CDH5: variants seen among roughly 807,000 people sequenced by gnomAD.
CDH5 encodes cadherin 5.
CDH5 carries 28 observed loss-of-function variants against 62.0 expected under a neutral mutation model. The ratio of observed to expected loss-of-function variants is 0.45; its 90% CI spans 0.33 to 0.62. The LOEUF (loss-of-function observed/expected upper bound fraction) is 0.62. Among genes scored for constraint, CDH5 ranks in the 20% least tolerant of loss-of-function variants. The probability of loss-of-function intolerance (pLI) is 0.02; values close to 1 mark genes in which losing one functional copy is unlikely to be tolerated. For missense variants in CDH5, 940 were observed against 1,065.1 expected (o/e 0.88, Z 1.63); for synonymous variants, 464 against 445.8 (o/e 1.04, Z -0.52).
chr16:66,400,116 G>C (rs1331421378), intron 10 of CDH5, among the ~76,000 whole-genome samples: 1 of 152,192 alleles, frequency 6.6e-6, no homozygotes, highest in African/African-American at 2.4e-5. Flanking sequence ...CTGAAAATCA[G>C]CATGTTTTAA....
In CDH5 at chr16:66,379,347, C is replaced by G. The variant is rs1482146489; in HGVS notation, c.10C>G (p.Leu4Val). The G allele has an allele frequency of 3.7e-6, 6 of 1,610,052 alleles. No homozygotes were observed. The highest frequency in any genetic ancestry group is 1.9e-4 in the Middle Eastern group (1 of 5,248). MQR[L>V]MMLLATSGAC... ...TGTTCCTCCTGGGAAGATGCAGAGG[C>G]TCATGATGCTCCTCGCCACATCGGG... The change falls in exon 2 of 12, where the codon CTC becomes GTC. Residue 4 changes from leucine (L) to valine (V), a missense_variant. By Grantham distance (32) the Leu-to-Val change is conservative. Coordinates refer to ENST00000341529, the MANE Select transcript of CDH5 (RefSeq NM_001795.5).
rs372577832 is a variant in CDH5, at chr16:66,402,750, G to T, written c.1936G>T (p.Asp646Tyr). ...PEIHEQLVTY[D>Y]EEGGGEMDTT... ...GATCCACGAGCAGCTGGTCACCTAC[G>T]ACGAGGAGGGCGGCGGCGAGATGGA... The change falls in exon 12 of 12, where the codon GAC becomes TAC. Residue 646 changes from aspartate to tyrosine, a missense_variant. Physicochemically the swap from Asp to Tyr is radical, Grantham distance 160 (BLOSUM62 -3). Transcript: ENST00000341529. The T allele has an allele frequency of 1.2e-6, 2 of 1,609,380 alleles. No homozygotes were observed. Among genetic ancestry groups the T allele is most frequent in the Non-Finnish European group, 1.7e-6 (2 of 1,178,772 alleles).
chr16:66,388,278 G>A (rs756594691), intron 3 of CDH5, 46 bp from the exon 4 acceptor site: 76 of 1,197,800 alleles, frequency 6.3e-5, no homozygotes, highest in Non-Finnish European at 9.4e-5. Flanking sequence ...TGGGGTAAGG[G>A]GCCTAGCAGT....
At chr16:66,402,415 A>T (rs1259797252) in intron 11 of CDH5, among the ~76,000 whole-genome samples, 4 of 65,602 alleles carry the variant, frequency 6.1e-5, no homozygotes, top group Non-Finnish European at 5.3e-5. Context: ...AGCGGCAGGG[A>T]CGGGGTGTGG....
Position 66,379,315 on chromosome 16 carries a change from C to A in CDH5, c.-19-4C>A. Reference sequence around the variant, plus strand: ...GAGTCTGAATGTGTCTCCTCTTTCCCCAGATCTGTTCCTCCTGGGAAGATG... The same window carrying A: ...GAGTCTGAATGTGTCTCCTCTTTCCACAGATCTGTTCCTCCTGGGAAGATG... On this transcript the variant is annotated splice_polypyrimidine_tract_variant and splice_region_variant and intron_variant, in intron 1 of 11. Transcript: ENST00000341529. The A allele has an allele frequency of 6.3e-7, 1 of 1,590,170 alleles. No homozygotes were observed. Among genetic ancestry groups the A allele is most frequent in the Non-Finnish European group, 8.6e-7 (1 of 1,163,360 alleles).
chr16:66,376,968 T>C (rs1336676905), intron 1 of CDH5, among the ~76,000 whole-genome samples: 1 of 152,220 alleles, frequency 6.6e-6, no homozygotes, highest in African/African-American at 2.4e-5. Context: ...CTCACCCTGT[T>C]CTGCCCAGAG....
intron 8 of CDH5, 108 bp from the exon 9 acceptor site, chr16:66,397,874 C>A: frequency 7.8e-7 from 1 of 1,281,826 alleles, no homozygotes; most frequent in Non-Finnish European, 1.1e-6. Flanking sequence ...CCACAGCCTC[C>A]TCCTGCAAAA....
chr16:66,390,976 T>C (rs1369633695), intron 6 of CDH5, among the ~76,000 whole-genome samples: 1 of 152,230 alleles, frequency 6.6e-6, no homozygotes, highest in African/African-American at 2.4e-5. Flanking sequence ...TGGCACTTTC[T>C]GGCCTGCCAT....
chr16:66,374,300 C>T (rs1297285524), intron 1 of CDH5, among the ~76,000 whole-genome samples: 1 of 152,194 alleles, frequency 6.6e-6, no homozygotes, highest in African/African-American at 2.4e-5. Context: ...TATGTGATCC[C>T]AAGCTCCCAA....
intron 8 of CDH5, among the ~76,000 whole-genome samples, chr16:66,397,147 G>A (rs1412082301): frequency 6.6e-6 from 1 of 152,108 alleles, no homozygotes; most frequent in Non-Finnish European, 1.5e-5. Flanking sequence ...TAATGTTTGT[G>A]TAAGATATTA....
chr16:66,395,501 TTC>T (rs1961164579), intron 7 of CDH5: 3 of 111,152 alleles, frequency 2.7e-5, no homozygotes, highest in African/African-American at 9.9e-5. Context: ...AACTTTTCTT[TTC>T]TTTTTTTTTT....
rs182463225 is a variant in CDH5 at position 66,396,854 on chromosome 16, T to C, written c.1360+653T>C. Among the ~76,000 whole-genome samples, 1,179 of 152,286 alleles carry C rather than the reference T, an allele frequency of 7.7e-3. 13 individuals are homozygous for C. Among genetic ancestry groups the C allele is most frequent in the South Asian group, 0.038 (184 of 4,826 alleles). Reference sequence around the variant, plus strand: ...ACCCAGGAGCCCGCTAGGCCAAGGATCCCTGGCGCCTGCCGGGCCCACCCA... The same window carrying C: ...ACCCAGGAGCCCGCTAGGCCAAGGACCCCTGGCGCCTGCCGGGCCCACCCA... On this transcript the variant is annotated intron_variant, in intron 8 of 11. Transcript: ENST00000341529.
intron 2 of CDH5, among the ~76,000 whole-genome samples, chr16:66,384,081 T>C (rs1163542950): frequency 7.6e-6 from 1 of 131,686 alleles, no homozygotes; most frequent in Non-Finnish European, 1.6e-5. Flanking sequence ...GTCCAGCCTT[T>C]TTTTTTTTTT....
At chr16:66,380,557 G>A (rs1225702603) in intron 2 of CDH5, among the ~76,000 whole-genome samples, 2 of 151,848 alleles carry the variant, frequency 1.3e-5, no homozygotes, top group African/African-American at 4.8e-5. Flanking sequence ...GGTGATGGTG[G>A]TCATGATAAA....
chr16:66,392,930 T>C (rs1207699375), intron 7 of CDH5: 2 of 153,162 alleles, frequency 1.3e-5, no homozygotes, highest in Non-Finnish European at 2.9e-5. Context: ...TTATGGTGGG[T>C]TTGTTGTTGT....
chr16:66,397,581 T>C (rs1462935280), intron 8 of CDH5, among the ~76,000 whole-genome samples: 1 of 152,198 alleles, frequency 6.6e-6, no homozygotes, highest in East Asian at 1.9e-4. Flanking sequence ...TCAGTGGCCA[T>C]CCATTTCAGT....
chr16:66,394,758 C>T (rs1961145274), intron 7 of CDH5, among the ~76,000 whole-genome samples: 1 of 150,502 alleles, frequency 6.6e-6, no homozygotes, highest in African/African-American at 2.4e-5. Flanking sequence ...TTAATTCTTC[C>T]CATGCCAGGT....
chr16:66,395,053 T>TTTTTTTTTTTG (rs1961154986), intron 7 of CDH5, among the ~76,000 whole-genome samples: 1 of 100,372 alleles, frequency 1.0e-5, no homozygotes, highest in East Asian at 2.8e-4. Context: ...TTTTTTTTTT[T>TTTTTTTTTTTG]TTTTTTTTTT....
intron 6 of CDH5, among the ~76,000 whole-genome samples, chr16:66,391,487 G>A (rs1961083018): frequency 6.6e-6 from 1 of 151,962 alleles, no homozygotes; most frequent in Non-Finnish European, 1.5e-5. Flanking sequence ...GAAAAAGCAT[G>A]TCCGGCCGGG....
Sources: allele counts gnomAD v4.1 joint callset (sites outside exome capture counted in the v4.1 genomes callset), GRCh38; gene constraint gnomAD v4.1.1; transcripts MANE v1.5; gene names NCBI Gene and HGNC (gene_info 2026-07-23, HGNC 2026-07-21).